The following RTL4 variants were observed in gnomAD, a reference collection of about 807,000 sequenced individuals.
The protein encoded by RTL4 is retrotransposon Gag-like protein 4.
In RTL4, 4 loss-of-function variants were observed where a neutral mutation model predicts 5.3. That is an observed-to-expected ratio of 0.75 (90% CI 0.37 to 1.72). The LOEUF is 1.72. Among genes scored for constraint, RTL4 ranks in the 40% most tolerant of loss-of-function variants. RTL4 has a pLI of 0.04. For missense variants in RTL4, 260 were observed against 227.1 expected (o/e 1.14, Z -0.93); for synonymous variants, 98 against 87.3 (o/e 1.12, Z -0.68).
chrX:112,361,035 C>T, the RTL4 span, among the ~76,000 whole-genome samples: 2 of 111,599 alleles, frequency 1.8e-5, no homozygotes, highest in Admixed American at 9.6e-5. Context: ...AAAGAAAGGA[C>T]ACATTCGTAG....
chrX:112,232,958 T>C, the RTL4 span, among the ~76,000 whole-genome samples: 1 of 111,400 alleles, frequency 9.0e-6, no homozygotes, highest in Non-Finnish European at 1.9e-5. Context: ...GTATTACAGC[T>C]ACCATCACTG....
chrX:112,431,372 T>C, the RTL4 span, among the ~76,000 whole-genome samples: 7 of 112,196 alleles, frequency 6.2e-5, no homozygotes, highest in African/African-American at 1.9e-4. Flanking sequence ...TTTTCTACAG[T>C]ATTCACTGTG....
chrX:112,409,298 T>G, the RTL4 span, among the ~76,000 whole-genome samples: 3 of 112,463 alleles, frequency 2.7e-5, no homozygotes, highest in Non-Finnish European at 5.6e-5. Flanking sequence ...TGTAGAATTT[T>G]TATGTTTTTG....
the RTL4 span, among the ~76,000 whole-genome samples, chrX:112,120,326 T>G: frequency 5.9e-4 from 66 of 112,330 alleles, no homozygotes; most frequent in South Asian, 1.8e-3. Flanking sequence ...GCCCAGGCTG[T>G]AGTGCAGTGG....
At chrX:112,351,106 A>G in the RTL4 span, among the ~76,000 whole-genome samples, 177 of 110,621 alleles carry the variant, frequency 1.6e-3, no homozygotes, top group African/African-American at 5.5e-3. Context: ...CTTTATTTCT[A>G]CCTTCATTTC....
chrX:112,296,665 A>G, the RTL4 span, among the ~76,000 whole-genome samples: 1 of 99,840 alleles, frequency 1.0e-5, no homozygotes, highest in Non-Finnish European at 2.0e-5. Flanking sequence ...GCTGGAGTGC[A>G]GTGGCACAAT....
At chrX:112,246,031 T>C in the RTL4 span, among the ~76,000 whole-genome samples, 161 of 112,525 alleles carry the variant, frequency 1.4e-3, 1 homozygote, top group African/African-American at 4.9e-3. Flanking sequence ...CAGCGGAAGC[T>C]GCAGAGCAGC....
At chrX:112,206,992 C>G in the RTL4 span, among the ~76,000 whole-genome samples, 2 of 111,776 alleles carry the variant, frequency 1.8e-5, no homozygotes, top group African/African-American at 3.3e-5. Flanking sequence ...ATCAAATGCT[C>G]TCAACTTTAC....
At chrX:112,162,294 G>C in the RTL4 span, among the ~76,000 whole-genome samples, 1 of 111,672 alleles carries the variant, frequency 9.0e-6, no homozygotes, top group East Asian at 2.8e-4. Context: ...GCTCTGTAAG[G>C]ACTCAGGTTT....
the RTL4 span, among the ~76,000 whole-genome samples, chrX:112,445,942 A>C: frequency 8.9e-6 from 1 of 112,328 alleles, no homozygotes; most frequent in Admixed American, 9.4e-5. Flanking sequence ...AAGCTCTACC[A>C]ACCTGTATCT....
chrX:112,399,031 C>T, the RTL4 span, among the ~76,000 whole-genome samples: 1 of 111,940 alleles, frequency 8.9e-6, no homozygotes, highest in Non-Finnish European at 1.9e-5. Flanking sequence ...TTGGTTGAAC[C>T]TTGATAGTTT....
At chrX:112,383,118 G>A in the RTL4 span, among the ~76,000 whole-genome samples, 1 of 111,771 alleles carries the variant, frequency 8.9e-6, no homozygotes, top group Non-Finnish European at 1.9e-5. Context: ...TCTTACAGGT[G>A]CACTTTCTAG....
chrX:112,374,884 C>T, the RTL4 span, among the ~76,000 whole-genome samples: 8 of 111,530 alleles, frequency 7.2e-5, no homozygotes, highest in African/African-American at 2.6e-4. Flanking sequence ...GGTCTCTCTC[C>T]CTCCCAATGA....
chrX:112,102,325 T>C, the RTL4 span, among the ~76,000 whole-genome samples: 1 of 111,487 alleles, frequency 9.0e-6, no homozygotes, highest in Non-Finnish European at 1.9e-5. Flanking sequence ...CTATCTTATA[T>C]AGTAAAACAT....
the RTL4 span, among the ~76,000 whole-genome samples, chrX:112,378,055 G>A: frequency 8.1e-5 from 9 of 111,211 alleles, no homozygotes; most frequent in South Asian, 3.8e-4. Flanking sequence ...ATGCAGATGC[G>A]GTACATCTGG....
chrX:112,210,001 T>C, the RTL4 span, among the ~76,000 whole-genome samples: 1 of 111,809 alleles, frequency 8.9e-6, no homozygotes, highest in African/African-American at 3.3e-5. Flanking sequence ...CCCAACACCA[T>C]TGGATCTGCT....
chrX:112,376,289 T>C, the RTL4 span, among the ~76,000 whole-genome samples: 1 of 111,613 alleles, frequency 9.0e-6, no homozygotes, highest in Non-Finnish European at 1.9e-5. Context: ...TCAAAGTCTA[T>C]TGAATCTGAG....
the RTL4 span, among the ~76,000 whole-genome samples, chrX:112,117,698 G>A: frequency 1.8e-5 from 2 of 111,645 alleles, no homozygotes; most frequent in Non-Finnish European, 3.8e-5. Context: ...GCATAGGAAT[G>A]GGGAAATGGG....
the RTL4 span, among the ~76,000 whole-genome samples, chrX:112,342,667 A>G: frequency 1.1e-4 from 12 of 111,815 alleles, no homozygotes; most frequent in Non-Finnish European, 2.1e-4. Context: ...TTTGAAAGCC[A>G]ATGACAGATA....
Sources: allele counts gnomAD v4.1 joint callset (sites outside exome capture counted in the v4.1 genomes callset), GRCh38; gene constraint gnomAD v4.1.1; transcripts MANE v1.5; gene names NCBI Gene and HGNC (gene_info 2026-07-23, HGNC 2026-07-21).